The following RUFY1 variants were observed in gnomAD, a reference collection of about 807,000 sequenced individuals.
RUFY1 encodes the protein RUN and FYVE domain-containing protein 1.
RUFY1 carries 54 observed loss-of-function variants against 94.6 expected under a neutral mutation model. The observed-to-expected ratio is 0.57, with a 90% CI of 0.46 to 0.72. The LOEUF is 0.72. Ranked by LOEUF, RUFY1 falls within the 30% of genes least tolerant of loss-of-function variation. RUFY1 has a pLI of 0.00. For synonymous variants in RUFY1, 396 were observed against 347.3 expected (o/e 1.14, Z -1.56); for missense variants, 883 against 883.9 (o/e 1.00, Z 0.01).
intron 8 of RUFY1, among the ~76,000 whole-genome samples, chr5:179,588,786 G>A (rs1164222659): frequency 2.6e-5 from 4 of 151,968 alleles, no homozygotes; most frequent in Admixed American, 6.6e-5. Context: ...GCTGGAGTGC[G>A]GTGGCATGAT....
chr5:179,577,056 T>C lies in RUFY1; in HGVS notation c.829-19T>C. On this transcript the variant is annotated intron_variant, in intron 5 of 17. Transcript: ENST00000319449. Reference sequence around the variant, plus strand: ...AAATAGGACATTTTATTTAAACTTGTGCATTTTATTTCGTTTAGGTTGGAG... The same window carrying C: ...AAATAGGACATTTTATTTAAACTTGCGCATTTTATTTCGTTTAGGTTGGAG... 3 of 1,525,632 alleles carry C rather than the reference T, an allele frequency of 2.0e-6. No homozygotes were observed. The highest frequency in any genetic ancestry group is 1.7e-5 in the Admixed American group (1 of 57,558). 94.5% of individuals were successfully genotyped at this position (1,525,632 alleles called of 1,614,324 possible). A position where few individuals can be genotyped will look rare whatever the true frequency, so the allele number is the denominator to read the frequency against.
intron 5 of RUFY1, among the ~76,000 whole-genome samples, chr5:179,574,376 C>T (rs1383891983): frequency 6.6e-6 from 1 of 152,118 alleles, no homozygotes; most frequent in Non-Finnish European, 1.5e-5. Context: ...CTCTGGGCAA[C>T]AGAGCAAAAC....
intron 14 of RUFY1, among the ~76,000 whole-genome samples, 176 bp from the exon 15 acceptor site, chr5:179,601,716 G>T (rs1343724405): frequency 3.3e-5 from 5 of 150,600 alleles, no homozygotes; most frequent in Non-Finnish European, 7.4e-5. Flanking sequence ...CTACTTGGGA[G>T]GCTGAGGCAG....
At chr5:179,595,218 G>A (rs1765503160) in intron 12 of RUFY1, among the ~76,000 whole-genome samples, 3 of 152,288 alleles carry the variant, frequency 2.0e-5, no homozygotes, top group East Asian at 1.9e-4. Flanking sequence ...GGTGGCTCAC[G>A]CCTGTAATCC....
intron 5 of RUFY1, among the ~76,000 whole-genome samples, chr5:179,575,030 C>T: frequency 8.8e-6 from 1 of 113,066 alleles, no homozygotes; most frequent in Non-Finnish European, 1.7e-5. Context: ...CTCTTCTCAC[C>T]CCACCCCCCG....
chr5:179,572,302 C>A, intron 5 of RUFY1: 1 of 202,592 alleles, frequency 4.9e-6, no homozygotes. Flanking sequence ...CTTCACTTTT[C>A]TGTGGCCCAT....
intron 8 of RUFY1, among the ~76,000 whole-genome samples, chr5:179,588,615 C>T (rs957639434): frequency 7.2e-5 from 11 of 152,038 alleles, no homozygotes; most frequent in African/African-American, 1.7e-4. Context: ...ATACTTTTAC[C>T]GATCATTAGC....
intron 9 of RUFY1, among the ~76,000 whole-genome samples, chr5:179,591,241 A>G (rs1003722434): frequency 4.6e-5 from 7 of 150,950 alleles, no homozygotes; most frequent in East Asian, 2.0e-4. Context: ...CTGGAGTGCA[A>G]TGGCACGATC....
At chr5:179,560,548 T>G (rs1762371673) in intron 2 of RUFY1, among the ~76,000 whole-genome samples, 1 of 140,702 alleles carries the variant, frequency 7.1e-6, no homozygotes, top group Non-Finnish European at 1.6e-5. Context: ...TGAAACCCGG[T>G]CTCTACTAAA....
At chr5:179,560,805 TAAG>T (rs1762401887) in intron 2 of RUFY1, among the ~76,000 whole-genome samples, 1 of 151,860 alleles carries the variant, frequency 6.6e-6, no homozygotes, top group Non-Finnish European at 1.5e-5. Flanking sequence ...TTTTAAAAAT[TAAG>T]AAAAAAAAGT....
At chr5:179,559,347 T>C (rs1762267707) in intron 1 of RUFY1, among the ~76,000 whole-genome samples, 1 of 151,978 alleles carries the variant, frequency 6.6e-6, no homozygotes, top group African/African-American at 2.4e-5. Context: ...TCCAACGGTT[T>C]TCCTTACCAA....
intron 8 of RUFY1, chr5:179,586,307 G>A (rs773296262): frequency 3.5e-5 from 16 of 458,680 alleles, no homozygotes; most frequent in South Asian, 1.1e-4. Flanking sequence ...CCCACAGTGC[G>A]GTCTTTCTCT....
chr5:179,582,629 G>T (rs1033001154), intron 7 of RUFY1, among the ~76,000 whole-genome samples: 1 of 152,110 alleles, frequency 6.6e-6, no homozygotes, highest in Non-Finnish European at 1.5e-5. Context: ...GACGTGGGTG[G>T]ATTACCTGAG....
At chr5:179,577,553 G>T (rs13168503) in intron 6 of RUFY1, among the ~76,000 whole-genome samples, 1 of 149,932 alleles carries the variant, frequency 6.7e-6, no homozygotes, top group South Asian at 2.1e-4. Flanking sequence ...CCGAAGACTA[G>T]CGGAGGCTCC....
chr5:179,601,905 T>C lies in RUFY1; in HGVS notation c.1775T>C (p.Leu592Pro), dbSNP rs1159638631. 6.2e-7 allele frequency: 1 copy of C among 1,612,820 alleles called. No individual in the cohort carries two copies. Among genetic ancestry groups the C allele is most frequent in the Non-Finnish European group, 8.5e-7 (1 of 1,179,636 alleles). Residue 592 changes from leucine to proline, a missense_variant, in exon 15 of 18, where the codon CTT becomes CCT. Coordinates refer to ENST00000319449, the MANE Select transcript of RUFY1 (RefSeq NM_025158.5). ...VEGLKKELRE[L>P]QDEKAELQKI... ...TGTTCATTTTAGGAGTTGCGGGAGC[T>C]TCAGGACGAGAAGGCAGAGCTGCAG...
rs765253999 is a variant in RUFY1 at position 179,591,684 on chromosome 5, G to A, written c.1188G>A (p.Leu396=). ...LETYKQTRQG[L]DEMYSDVWKQ... is the part of the protein sequence containing the mutation. ...CTTACAAGCAAACTCGGCAAGGTCT[G>A]GATGAAATGTACAGTGATGTGTGGA... The change falls in exon 10 of 18, where the codon CTG becomes CTA. Residue 396 remains leucine (L), a synonymous_variant. Coordinates refer to ENST00000319449, the MANE Select transcript of RUFY1 (RefSeq NM_025158.5). 6.2e-7 allele frequency: 1 copy of A among 1,613,530 alleles called. No homozygotes were observed. The highest frequency in any genetic ancestry group is 8.5e-7 in the Non-Finnish European group (1 of 1,179,862).
intron 5 of RUFY1, among the ~76,000 whole-genome samples, chr5:179,573,600 G>T: frequency 6.6e-6 from 1 of 151,880 alleles, no homozygotes; most frequent in East Asian, 1.9e-4. Flanking sequence ...TCCACTCACT[G>T]CAACCTCCGC....
chr5:179,585,926 G>A, intron 8 of RUFY1, 61 bp downstream of exon 8: 3 of 1,347,572 alleles, frequency 2.2e-6, no homozygotes, highest in Non-Finnish European at 3.2e-6. Flanking sequence ...AAGAGAATCT[G>A]TGTAGTCGGT....
chr5:179,588,729 ACTTTT>A (rs1443444093), intron 8 of RUFY1, among the ~76,000 whole-genome samples: 1 of 152,052 alleles, frequency 6.6e-6, no homozygotes, highest in Non-Finnish European at 1.5e-5. Flanking sequence ...ATTGTTCCCA[ACTTTT>A]CTTTTTTCTT....
Sources: allele counts gnomAD v4.1 joint callset (sites outside exome capture counted in the v4.1 genomes callset), GRCh38; gene constraint gnomAD v4.1.1; transcripts MANE v1.5; gene names NCBI Gene and HGNC (gene_info 2026-07-23, HGNC 2026-07-21).